DIP2A: variants seen among roughly 807,000 people sequenced by gnomAD.
The protein encoded by DIP2A is disco-interacting protein 2 homolog A.
In DIP2A, 85 loss-of-function variants were observed where a neutral mutation model predicts 177.4. The observed-to-expected ratio is 0.48, with a 90% CI of 0.40 to 0.57. DIP2A has a LOEUF of 0.57. DIP2A is among the 20% of genes least tolerant of loss of function. The pLI is 0.00. For missense variants in DIP2A, 1,791 were observed against 2,100.2 expected (o/e 0.85, Z 2.88); for synonymous variants, 886 against 881.8 (o/e 1.00, Z -0.08).
At chr21:46,483,204 C>A (rs988309121) in intron 1 of DIP2A, among the ~76,000 whole-genome samples, 1 of 151,930 alleles carries the variant, frequency 6.6e-6, no homozygotes, top group African/African-American at 2.4e-5. Flanking sequence ...TGATGCCATT[C>A]GGGTCAATTA....
chr21:46,566,007 G>GC (rs2060825684), intron 36 of DIP2A, 120 bp downstream of exon 36: 10 of 1,105,574 alleles, frequency 9.0e-6, no homozygotes, highest in Admixed American at 2.4e-5. Flanking sequence ...TGCTCCTTGT[G>GC]GGGGGAAGAT....
chr21:46,576,817 C>T, the DIP2A span, among the ~76,000 whole-genome samples: 1 of 151,886 alleles, frequency 6.6e-6, no homozygotes, highest in East Asian at 1.9e-4. Flanking sequence ...AGTTGCCATT[C>T]TGACTGGTGT....
intron 1 of DIP2A, among the ~76,000 whole-genome samples, chr21:46,470,546 G>A (rs1203708233): frequency 6.6e-6 from 1 of 152,040 alleles, no homozygotes; most frequent in Non-Finnish European, 1.5e-5. Flanking sequence ...GCCGAGGTGG[G>A]CGGATCACGA....
Position 46,497,085 on chromosome 21 carries a change from T to C in DIP2A, c.381T>C (p.Ser127=), listed in dbSNP as rs762230072. Residue 127 remains serine, a synonymous_variant, in exon 4 of 38, where the codon TCT becomes TCC. Coordinates refer to ENST00000417564, the MANE Select transcript of DIP2A (RefSeq NM_015151.4). The stretch of plus-strand genomic sequence containing the variant: ...GACGTTCTGTCCTTGTGCATTCGTC[T>C]GTGGAAACCTACACCCCTCCAGGTA... ...SKRRSVLVHS[S]VETYTPPDTS... 6.2e-7 allele frequency: 1 copy of C among 1,613,794 alleles called. No individual in the cohort carries two copies. Among genetic ancestry groups the C allele is most frequent in the Non-Finnish European group, 8.5e-7 (1 of 1,179,826 alleles).
the DIP2A span, among the ~76,000 whole-genome samples, chr21:46,583,001 T>C: frequency 6.6e-6 from 1 of 152,112 alleles, no homozygotes; most frequent in Non-Finnish European, 1.5e-5. Flanking sequence ...CTATATGCTG[T>C]CCACAGGAGA....
At chr21:46,510,576 A>G (rs2058258113) in intron 7 of DIP2A, among the ~76,000 whole-genome samples, 1 of 138,060 alleles carries the variant, frequency 7.2e-6, no homozygotes, top group Non-Finnish European at 1.7e-5. Flanking sequence ...TTTTTAAAGT[A>G]AAAAACAAGA....
intron 8 of DIP2A, among the ~76,000 whole-genome samples, chr21:46,519,537 A>G (rs1036797147): frequency 6.6e-5 from 10 of 152,220 alleles, no homozygotes; most frequent in Non-Finnish European, 2.9e-5. Context: ...CTGCCTAACT[A>G]TTAGGGTCTT....
intron 4 of DIP2A, among the ~76,000 whole-genome samples, chr21:46,497,893 T>C (rs1438341775): frequency 6.6e-6 from 1 of 152,252 alleles, no homozygotes; most frequent in Non-Finnish European, 1.5e-5. Flanking sequence ...TTGCTAAATA[T>C]AGCTATAGAC....
chr21:46,478,759 T>TA (rs772742987), intron 1 of DIP2A, among the ~76,000 whole-genome samples: 13 of 152,064 alleles, frequency 8.5e-5, no homozygotes, highest in African/African-American at 3.1e-4. Flanking sequence ...TTTTTTTTTT[T>TA]AAATTCACAA....
At chr21:46,494,164 G>A (rs955061262) in intron 3 of DIP2A, among the ~76,000 whole-genome samples, 5 of 152,108 alleles carry the variant, frequency 3.3e-5, no homozygotes, top group South Asian at 2.1e-4. Context: ...GCTTTTGCTC[G>A]TATGGCTTCT....
intron 1 of DIP2A, among the ~76,000 whole-genome samples, chr21:46,466,335 A>T (rs2054827358): frequency 6.7e-6 from 1 of 148,258 alleles, no homozygotes; most frequent in Admixed American, 6.9e-5. Flanking sequence ...TAGATTCTAC[A>T]TTATAACTTT....
At chr21:46,562,913 CAGCGGGTTTCCCTGGG>C (rs1225741257) in intron 34 of DIP2A, among the ~76,000 whole-genome samples, 2 of 152,152 alleles carry the variant, frequency 1.3e-5, no homozygotes, top group African/African-American at 4.8e-5. Context: ...GGTGTAAACT[CAGCGGGTTTCCCTGGG>C]TCATGGGGCC....
chr21:46,516,049 A>T (rs1461994222), intron 8 of DIP2A, among the ~76,000 whole-genome samples: 1 of 152,180 alleles, frequency 6.6e-6, no homozygotes, highest in African/African-American at 2.4e-5. Context: ...TCAGCAATGC[A>T]AAGATATTGT....
At chr21:46,492,708 A>G (rs1391966942) in intron 3 of DIP2A, among the ~76,000 whole-genome samples, 1 of 152,178 alleles carries the variant, frequency 6.6e-6, no homozygotes, top group East Asian at 1.9e-4. Context: ...CACGCCTGTA[A>G]TCCCAGCACT....
chr21:46,508,483 C>T (rs1036348393), intron 6 of DIP2A, among the ~76,000 whole-genome samples: 3 of 151,146 alleles, frequency 2.0e-5, no homozygotes, highest in African/African-American at 7.3e-5. Flanking sequence ...CTCAGCCTCC[C>T]GAGTAGCTGG....
chr21:46,477,543 T>TTTCGTGTGTGTGTGTGTGTGTGTGTGTG (rs374607636), intron 1 of DIP2A, among the ~76,000 whole-genome samples: 3 of 87,094 alleles, frequency 3.4e-5, no homozygotes, highest in African/African-American at 1.3e-4. Flanking sequence ...AAAAAAAGAT[T>TTTCGTGTGTGTGTGTGTGTGTGTGTGTG]TGTGTGTGTG....
chr21:46,513,105 T>G (rs1265303490), intron 8 of DIP2A, among the ~76,000 whole-genome samples: 1 of 1,098 alleles, frequency 9.1e-4, no homozygotes, highest in Non-Finnish European at 2.2e-3. Flanking sequence ...ACTTACATGT[T>G]GTTTTTTTTT....
At chr21:46,565,940 C>A in intron 36 of DIP2A, 53 bp downstream of exon 36, 2 of 1,598,750 alleles carry the variant, frequency 1.3e-6, no homozygotes, top group South Asian at 1.1e-5. Flanking sequence ...AGGACCTGGG[C>A]TCCCCAAGAG....
At chr21:46,532,679 A>G (rs2059402944) in intron 10 of DIP2A, among the ~76,000 whole-genome samples, 1 of 152,248 alleles carries the variant, frequency 6.6e-6, no homozygotes, top group African/African-American at 2.4e-5. Flanking sequence ...TCTCAGTGGC[A>G]GTTTTGAATA....
Sources: gnomAD v4.1 joint callset for allele counts (sites outside exome capture counted in the v4.1 genomes callset) on GRCh38, gnomAD v4.1.1 for gene constraint, MANE v1.5 for transcripts, NCBI Gene and HGNC (gene_info 2026-07-23, HGNC 2026-07-21) for gene names.